The following SEPTIN10 variants were observed in gnomAD, a reference collection of about 807,000 sequenced individuals.
SEPTIN10 encodes the protein septin 10.
A neutral mutation model predicts 54.8 loss-of-function variants in SEPTIN10; 66 were observed. The ratio of observed to expected loss-of-function variants is 1.21; its 90% confidence interval spans 0.99 to 1.48. SEPTIN10 has a LOEUF of 1.48. SEPTIN10 is among the 40% of genes most tolerant of loss of function. The probability of loss-of-function intolerance (pLI) is 0.00; values close to 1 mark genes in which losing one functional copy is unlikely to be tolerated. For synonymous variants in SEPTIN10, 161 were observed against 181.0 expected, an observed-to-expected ratio of 0.89 and a Z score of 0.89; for missense variants, 620 against 545.6, an observed-to-expected ratio of 1.14 and a Z score of -1.36.
chr2:109,586,955 G>C (rs897568499), intron 2 of SEPTIN10, among the ~76,000 whole-genome samples: 8 of 152,076 alleles, frequency 5.3e-5, no homozygotes, highest in Non-Finnish European at 1.2e-4. Context: ...ACAGAATCTA[G>C]CATCTCTACA....
At chr2:109,613,710 C>T (rs377032638) in intron 1 of SEPTIN10, 88 bp downstream of exon 1, 1 of 905,186 alleles carries the variant, frequency 1.1e-6, no homozygotes, top group Non-Finnish European at 1.4e-6. Context: ...AATCCCGGGC[C>T]GGACCAGGGG....
At chr2:109,545,663 A>C (rs1681010188) in intron 10 of SEPTIN10, 1 of 1,477,700 alleles carries the variant, frequency 6.8e-7, no homozygotes, top group Admixed American at 2.3e-5. Flanking sequence ...CAAAGGGCAC[A>C]GCTTTATTTA....
chr2:109,612,907 TG>T (rs1172797953), intron 1 of SEPTIN10, among the ~76,000 whole-genome samples: 5 of 152,246 alleles, frequency 3.3e-5, no homozygotes, highest in Admixed American at 3.3e-4. Context: ...GCCTGCAATC[TG>T]AACTGTTTCT....
chr2:109,570,639 A>C (rs1436735570), intron 5 of SEPTIN10, among the ~76,000 whole-genome samples: 1 of 147,942 alleles, frequency 6.8e-6, no homozygotes, highest in East Asian at 2.1e-4. Context: ...ATTCTGCCTC[A>C]GCCTCCCGAG....
Position 109,584,995 on chromosome 2 carries a change from T to C in SEPTIN10, c.413+131A>G, listed in dbSNP as rs1269512128. 1.4e-5 allele frequency: 6 copies of C among 439,496 alleles called. No individual in the cohort carries two copies. The Admixed American group carries it at 2.6e-4, about 19-fold the overall frequency. 27.2% of individuals were successfully genotyped at this position (439,496 alleles called of 1,614,324 possible). On this transcript the variant is annotated intron_variant, in intron 4 of 10. Transcript: ENST00000397712. ...AACAAAATATTGTTTAATTATTTTA[T>C]TTTTAAAACAATGTGTGGAAGGAAA...
chr2:109,587,757 C>CA (rs1338035551), intron 2 of SEPTIN10, among the ~76,000 whole-genome samples: 1 of 151,816 alleles, frequency 6.6e-6, no homozygotes, highest in Admixed American at 6.6e-5. Flanking sequence ...ACTAAAAATA[C>CA]AAAAAATTAG....
intron 6 of SEPTIN10, 106 bp downstream of exon 6, chr2:109,567,709 T>C: frequency 8.9e-7 from 1 of 1,128,462 alleles, no homozygotes; most frequent in East Asian, 2.7e-5. Flanking sequence ...TTGTTTGAAG[T>C]CTTTTTGGAA....
At chr2:109,613,226 T>C (rs2106409368) in intron 1 of SEPTIN10, 1 of 1,273,752 alleles carries the variant, frequency 7.9e-7, no homozygotes. Flanking sequence ...TCTACAAAAG[T>C]AACTGGAAAG....
intron 8 of SEPTIN10, among the ~76,000 whole-genome samples, chr2:109,561,843 C>T (rs1685716466): frequency 6.6e-6 from 1 of 152,142 alleles, no homozygotes; most frequent in South Asian, 2.1e-4. Context: ...GTCCTATGGA[C>T]TTTAATTTCA....
chr2:109,563,258 CA>C (rs1350029881), intron 8 of SEPTIN10, among the ~76,000 whole-genome samples: 1 of 152,096 alleles, frequency 6.6e-6, no homozygotes, highest in Non-Finnish European at 1.5e-5. Context: ...GAAGTGAAAA[CA>C]TTAATTAACT....
chr2:109,573,428 AAAC>A (rs1688845420), intron 5 of SEPTIN10, among the ~76,000 whole-genome samples: 1 of 152,204 alleles, frequency 6.6e-6, no homozygotes, highest in African/African-American at 2.4e-5. Context: ...TCAACTATGA[AAAC>A]AACTGGCTAA....
At chr2:109,558,365 C>T (rs1296194759) in intron 8 of SEPTIN10, among the ~76,000 whole-genome samples, 2 of 152,130 alleles carry the variant, frequency 1.3e-5, no homozygotes, top group East Asian at 1.9e-4. Flanking sequence ...AATACTTAAA[C>T]AACTCTAAAC....
At chr2:109,600,024 C>G (rs1305375045) in intron 1 of SEPTIN10, among the ~76,000 whole-genome samples, 1 of 152,170 alleles carries the variant, frequency 6.6e-6, no homozygotes, top group Non-Finnish European at 1.5e-5. Context: ...TTGCAGCTTG[C>G]TGACCGTCTC....
intron 1 of SEPTIN10, among the ~76,000 whole-genome samples, chr2:109,593,434 C>T (rs942981202): frequency 7.3e-5 from 8 of 109,504 alleles, no homozygotes; most frequent in African/African-American, 1.5e-4. Context: ...GAGACGGCAT[C>T]TTGCTCTGTC....
At chr2:109,547,446 T>C (rs560219991) in intron 9 of SEPTIN10, among the ~76,000 whole-genome samples, 2 of 150,428 alleles carry the variant, frequency 1.3e-5, no homozygotes, top group Non-Finnish European at 2.9e-5. Flanking sequence ...ATTCTTCCCG[T>C]ATACAACTGT....
At chr2:109,604,161 C>CAAA (rs34166921) in intron 1 of SEPTIN10, among the ~76,000 whole-genome samples, 3,169 of 58,562 alleles carry the variant, frequency 0.054, 169 homozygotes, top group African/African-American at 0.13. Flanking sequence ...GACTCTGCCT[C>CAAA]AAAAAAAAAA....
rs1358227412 is a variant in SEPTIN10, at chr2:109,577,130, T to C, written c.414-2363A>G. Among the ~76,000 whole-genome samples the C allele has an allele frequency of 2.0e-5, 3 of 152,144 alleles. No individual in the cohort carries two copies. In the South Asian group the frequency reaches 6.2e-4, roughly 32 times the overall value. ...AAGGGAGACTTCTTAATAGCAAAGA[T>C]AGAAGCCAGGAGAGAGTGGAATGAT... On this transcript the variant is annotated intron_variant, in intron 4 of 10. Transcript: ENST00000397712.
chr2:109,572,095 A>G (rs930770207), intron 5 of SEPTIN10, among the ~76,000 whole-genome samples: 11 of 152,200 alleles, frequency 7.2e-5, no homozygotes, highest in African/African-American at 2.7e-4. Context: ...TAATCTTCCC[A>G]AAAGTCTTAG....
chr2:109,613,578 C>G, intron 1 of SEPTIN10: 1 of 266,992 alleles, frequency 3.7e-6, no homozygotes, highest in Non-Finnish European at 6.9e-6. Context: ...GGCGCCGCGC[C>G]CCGCGAACCG....
Sources: gnomAD v4.1 joint callset for allele counts (sites outside exome capture counted in the v4.1 genomes callset) on GRCh38, gnomAD v4.1.1 for gene constraint, MANE v1.5 for transcripts, NCBI Gene and HGNC (gene_info 2026-07-23, HGNC 2026-07-21) for gene names.